Variants in UPF1 observed in about 807,000 individuals in gnomAD.
The protein encoded by UPF1 is UPF1 RNA helicase and ATPase, also known as regulator of nonsense transcripts 1.
Under a neutral mutation model 129.2 loss-of-function variants are expected in UPF1, and 9 were observed. The ratio of observed to expected loss-of-function variants is 0.07; its 90% CI spans 0.04 to 0.12. The LOEUF is 0.12. Among genes scored for constraint, UPF1 ranks in the 10% least tolerant of loss-of-function variants. The pLI, the probability that UPF1 is intolerant of heterozygous loss-of-function variation, is 1.00. For missense variants in UPF1, 788 were observed against 1,525.3 expected (o/e 0.52, Z 8.05); for synonymous variants, 649 against 644.9 (o/e 1.01, Z -0.10).
chr19:18,861,371 T>A (rs1451871136), intron 17 of UPF1, among the ~76,000 whole-genome samples: 2 of 152,118 alleles, frequency 1.3e-5, no homozygotes, highest in East Asian at 3.9e-4. Flanking sequence ...AAACACCCAC[T>A]GCGGGTGTGT....
At chr19:18,864,043 G>T in intron 19 of UPF1, 127 bp from the exon 20 acceptor site, 1 of 823,012 alleles carries the variant, frequency 1.2e-6, no homozygotes. Flanking sequence ...CTGTCTCCAG[G>T]GAGAGCCCCT....
chr19:18,847,851 G>A lies in UPF1; in HGVS notation c.461+18G>A. 6.2e-7 allele frequency: 1 copy of A among 1,611,558 alleles called. No individual in the cohort carries two copies. Among genetic ancestry groups the A allele is most frequent in the South Asian group, 1.1e-5 (1 of 91,032 alleles). ...TCTGGCAGGTAGATAATCAGACCATGCATGTGTGTTTAATCAGTGCTGTGC... is the reference window on the plus strand; with the variant it reads ...TCTGGCAGGTAGATAATCAGACCATACATGTGTGTTTAATCAGTGCTGTGC... On this transcript the variant is annotated intron_variant, in intron 3 of 23. Coordinates refer to ENST00000262803, the MANE Select transcript of UPF1 (RefSeq NM_002911.4).
intron 15 of UPF1, among the ~76,000 whole-genome samples, chr19:18,859,232 C>T (rs768195196): frequency 9.9e-5 from 15 of 152,196 alleles, no homozygotes; most frequent in Non-Finnish European, 1.5e-4. Context: ...CCCAGGGCAT[C>T]GGCCCAGAGG....
At chr19:18,861,024 CA>C in intron 17 of UPF1, 42 bp downstream of exon 17, 1 of 1,537,826 alleles carries the variant, frequency 6.5e-7, no homozygotes, top group Non-Finnish European at 8.7e-7. Flanking sequence ...CTGGGCCATG[CA>C]AGGGTATTGA....
chr19:18,835,347 C>CTTT (rs111301940), intron 1 of UPF1, among the ~76,000 whole-genome samples: 1 of 146,518 alleles, frequency 6.8e-6, no homozygotes, highest in Non-Finnish European at 1.5e-5. Flanking sequence ...CATTTCATTC[C>CTTT]TTTTTTTTTT....
chr19:18,840,229 CAT>C (rs1484793068), intron 1 of UPF1, among the ~76,000 whole-genome samples: 1 of 152,088 alleles, frequency 6.6e-6, no homozygotes, highest in African/African-American at 2.4e-5. Flanking sequence ...TGTGTGTGTA[CAT>C]GTGTGTATGC....
intron 2 of UPF1, among the ~76,000 whole-genome samples, chr19:18,847,394 C>T (rs887772879): frequency 5.3e-5 from 8 of 152,148 alleles, no homozygotes; most frequent in African/African-American, 1.9e-4. Flanking sequence ...CTGCTGGAGC[C>T]CAGAGTTCAC....
intron 15 of UPF1, 128 bp from the exon 16 acceptor site, chr19:18,860,193 T>A (rs1291383154): frequency 1.0e-6 from 1 of 987,776 alleles, no homozygotes; most frequent in East Asian, 2.4e-5. Context: ...CACCAGGGCC[T>A]CACAGATCGA....
intron 15 of UPF1, among the ~76,000 whole-genome samples, chr19:18,858,681 A>C (rs2055744396): frequency 6.6e-6 from 1 of 152,080 alleles, no homozygotes; most frequent in Admixed American, 6.5e-5. Flanking sequence ...AGGAGGGTGG[A>C]CTGAGCAGAG....
At chr19:18,843,716 CTTGTGTGTGTGTGTGTGTGTGT>C (rs1457624515) in intron 1 of UPF1, among the ~76,000 whole-genome samples, 1 of 119,696 alleles carries the variant, frequency 8.4e-6, no homozygotes, top group Non-Finnish European at 1.7e-5. Flanking sequence ...GTTGGCCAGG[CTTGTGTGTGTGTGTGTGTGTGT>C]GTGTGTGTGT....
At chr19:18,849,209 G>GGA (rs1408099779) in intron 3 of UPF1, 6 of 152,418 alleles carry the variant, frequency 3.9e-5, no homozygotes, top group Admixed American at 3.3e-4. Flanking sequence ...CTCGTGGCAG[G>GGA]GAGAAGGGTT....
rs1312403803 is a variant in UPF1 at position 18,856,231 on chromosome 19, G to A, written c.1755G>A (p.Gly585=). ...QKLQQLKDET[G]ELSSADEKRY... is the part of the protein sequence containing the mutation. ...TGCAGCAGCTGAAAGACGAGACTGG[G>A]GAGCTGTCGTCTGCCGACGAGAAGC... Residue 585 remains glycine, a synonymous_variant, in exon 13 of 24, where the codon GGG becomes GGA. Transcript: ENST00000262803. The A allele has an allele frequency of 6.2e-7, 1 of 1,610,960 alleles. No individual in the cohort carries two copies. Among genetic ancestry groups the A allele is most frequent in the Non-Finnish European group, 8.5e-7 (1 of 1,177,574 alleles).
At chr19:18,852,360 T>G (rs192143925) in intron 6 of UPF1, 64 bp downstream of exon 6, 4 of 1,580,554 alleles carry the variant, frequency 2.5e-6, no homozygotes, top group Middle Eastern at 1.7e-4. Context: ...CTCCTCAGGC[T>G]TCCAGAGGGA....
intron 1 of UPF1, among the ~76,000 whole-genome samples, chr19:18,835,719 TC>T (rs1787709728): frequency 6.6e-6 from 1 of 152,254 alleles, no homozygotes. Flanking sequence ...TTTGTTTATC[TC>T]GTCATCTGTT....
intron 14 of UPF1, 43 bp from the exon 15 acceptor site, chr19:18,857,277 C>G (rs775578206): frequency 5.1e-6 from 8 of 1,580,482 alleles, no homozygotes; most frequent in Non-Finnish European, 6.0e-6. Context: ...GAGGCTGATT[C>G]ACACCTGAGC....
chr19:18,861,587 C>CTTT (rs1477499169), intron 17 of UPF1, among the ~76,000 whole-genome samples: 2 of 152,202 alleles, frequency 1.3e-5, no homozygotes, highest in Non-Finnish European at 2.9e-5. Flanking sequence ...AGTCCCAGCA[C>CTTT]TTTGGGAGGC....
chr19:18,841,461 G>C (rs1323629502), intron 1 of UPF1, among the ~76,000 whole-genome samples: 1 of 152,190 alleles, frequency 6.6e-6, no homozygotes, highest in East Asian at 1.9e-4. Context: ...ACGATTGTCC[G>C]ATATGTAGGG....
intron 1 of UPF1, among the ~76,000 whole-genome samples, chr19:18,843,764 GAGAC>G (rs2055568369): frequency 6.6e-6 from 1 of 151,456 alleles, no homozygotes; most frequent in African/African-American, 2.4e-5. Context: ...GTTGTTAAGA[GAGAC>G]AGGGTCTTGG....
At chr19:18,857,199 G>C in intron 14 of UPF1, 121 bp from the exon 15 acceptor site, 1 of 1,462,862 alleles carries the variant, frequency 6.8e-7, no homozygotes, top group South Asian at 1.3e-5. Context: ...TGCGTGGTGA[G>C]CAATGCCCCT....
Sources: allele counts gnomAD v4.1 joint callset (sites outside exome capture counted in the v4.1 genomes callset), GRCh38; gene constraint gnomAD v4.1.1; transcripts MANE v1.5; gene names NCBI Gene and HGNC (gene_info 2026-07-23, HGNC 2026-07-21).